The following ZFYVE26 variants were observed in gnomAD, a reference collection of about 807,000 sequenced individuals.
ZFYVE26 encodes the protein zinc finger FYVE-type containing 26.
A neutral mutation model predicts 276.5 loss-of-function variants in ZFYVE26; 181 were observed. The observed-to-expected ratio is 0.65, with a 90% CI of 0.58 to 0.74. The LOEUF (loss-of-function observed/expected upper bound fraction) is 0.74. Among genes scored for constraint, ZFYVE26 ranks in the 30% least tolerant of loss-of-function variants. The probability of loss-of-function intolerance (pLI) is 0.00; values close to 1 mark genes in which losing one functional copy is unlikely to be tolerated. For missense variants in ZFYVE26, 2,821 were observed against 3,097.9 expected, an observed-to-expected ratio of 0.91 and a Z score of 2.12; for synonymous variants, 1,129 against 1,203.1, an observed-to-expected ratio of 0.94 and a Z score of 1.27.
At position 67,802,061 on chromosome 14, in the gene ZFYVE26, T is replaced by C; in HGVS notation, c.1639+18A>G. The C allele has an allele frequency of 1.2e-6, 2 of 1,612,000 alleles. No individual in the cohort carries two copies. The highest frequency in any genetic ancestry group is 1.7e-6 in the Non-Finnish European group (2 of 1,179,638). On this transcript the variant is annotated intron_variant, in intron 10 of 41. Transcript: ENST00000347230. ...TGTTGTTATCAGCTTATCTCACGGA[T>C]GGAGGGAAGTGCTGTACCTGGGGAG...
At chr14:67,782,746 C>T in intron 21 of ZFYVE26, 34 bp downstream of exon 21, 2 of 1,613,408 alleles carry the variant, frequency 1.2e-6, no homozygotes, top group Non-Finnish European at 1.7e-6. Flanking sequence ...AATATTACCA[C>T]TAGTGAAAAA....
At chr14:67,757,110 C>T (rs1263993540) in intron 35 of ZFYVE26, among the ~76,000 whole-genome samples, 1 of 152,182 alleles carries the variant, frequency 6.6e-6, no homozygotes, top group Non-Finnish European at 1.5e-5. Context: ...CACTTCCCAC[C>T]ACCTCCCCTG....
chr14:67,739,314 AAGAT>A (rs1211253215), intron 13 of ZFYVE26, among the ~76,000 whole-genome samples: 1 of 152,144 alleles, frequency 6.6e-6, no homozygotes, highest in Non-Finnish European at 1.5e-5. Flanking sequence ...GGTGAAAGGA[AAGAT>A]AGAGAGAATC....
chr14:67,743,057 C>T (rs139756634), downstream of ZFYVE26, among the ~76,000 whole-genome samples: 702 of 151,850 alleles, frequency 4.6e-3, 27 homozygotes, highest in East Asian at 0.1. Flanking sequence ...AGGCTGGTCT[C>T]GAACTCCTGG....
At chr14:67,782,056 C>T (rs960391479) in intron 21 of ZFYVE26, among the ~76,000 whole-genome samples, 1 of 152,220 alleles carries the variant, frequency 6.6e-6, no homozygotes, top group Non-Finnish European at 1.5e-5. Flanking sequence ...ATTAAGAACA[C>T]ACAGCCAGTC....
intron 10 of ZFYVE26, chr14:67,799,506 G>C (rs755831732): frequency 2.3e-4 from 369 of 1,600,728 alleles, no homozygotes; most frequent in Middle Eastern, 1.6e-3. Context: ...CAAAAGGATC[G>C]GCAAAAGGAA....
intron 18 of ZFYVE26, 30 bp from the exon 19 acceptor site, chr14:67,785,307 C>T (rs746107982): frequency 7.1e-6 from 11 of 1,558,656 alleles, no homozygotes; most frequent in Non-Finnish European, 8.7e-6. Flanking sequence ...AGAAAGGACA[C>T]AGGCTTCAGT....
At chr14:67,754,913 C>T in intron 37 of ZFYVE26, 138 bp downstream of exon 37, 1 of 1,001,914 alleles carries the variant, frequency 1.0e-6, no homozygotes, top group Non-Finnish European at 1.6e-6. Context: ...GCTTGTACTA[C>T]ACACTGTCAT....
intron 25 of ZFYVE26, among the ~76,000 whole-genome samples, chr14:67,777,139 T>C (rs1380920426): frequency 1.3e-5 from 2 of 152,240 alleles, no homozygotes. Context: ...AGATGTCCAG[T>C]CCCTATCCCA....
intron 27 of ZFYVE26, among the ~76,000 whole-genome samples, chr14:67,772,710 G>A (rs1290138183): frequency 6.6e-6 from 1 of 152,232 alleles, no homozygotes; most frequent in Non-Finnish European, 1.5e-5. Context: ...TGAGGCAGGA[G>A]AATCACTTGA....
rs1809570624 is a variant in ZFYVE26, at chr14:67,784,994, T to C, written c.3523+65A>G. 3 of 1,548,268 alleles carry C rather than the reference T, an allele frequency of 1.9e-6. No individual in the cohort carries two copies. The South Asian group carries it at 3.4e-5, about 17-fold the overall frequency. ...CAGAGCCTTTCAATTGTGCATCTTT[T>C]CTCTTCCTTGCCCTGAACACTTGCA... On this transcript the variant is annotated intron_variant, in intron 19 of 41. Transcript: ENST00000347230.
Position 67,804,244 on chromosome 14 carries a change from T to C in ZFYVE26, c.1292A>G (p.Asp431Gly). 1.9e-6 allele frequency: 3 copies of C among 1,614,110 alleles called. No individual in the cohort carries two copies. Among genetic ancestry groups the C allele is most frequent in the Non-Finnish European group, 2.5e-6 (3 of 1,180,010 alleles). ...TCCACCGTGTAAATGATACAACAGA[T>C]CTCTCTTTGGTATGGGGTTGCTGAA... Reference protein sequence around the residue: ...QQSSNPIPKRDLLYHLHGGDS... With the variant: ...QQSSNPIPKRGLLYHLHGGDS... Residue 431 changes from aspartate to glycine, a missense_variant, in exon 9 of 42, where the codon GAT becomes GGT. Asp to Gly is a moderately conservative substitution (Grantham distance 94, BLOSUM62 -1). Coordinates refer to ENST00000347230, the MANE Select transcript of ZFYVE26 (RefSeq NM_015346.4).
At chr14:67,739,674 A>G (rs2038392681) in intron 13 of ZFYVE26, among the ~76,000 whole-genome samples, 1 of 152,064 alleles carries the variant, frequency 6.6e-6, no homozygotes, top group Non-Finnish European at 1.5e-5. Context: ...TCTTCCATTG[A>G]TTTCTGAATA....
chr14:67,734,023 C>A (rs962087400), intron 13 of ZFYVE26: 3 of 568,662 alleles, frequency 5.3e-6, no homozygotes, highest in Admixed American at 2.3e-5. Flanking sequence ...TCTTGTGAGA[C>A]TGGCTTATGG....
chr14:67,798,974 C>T (rs2040023022), intron 10 of ZFYVE26: 2 of 1,128,452 alleles, frequency 1.8e-6, no homozygotes, highest in Non-Finnish European at 2.7e-6. Flanking sequence ...GTGGGAGGGG[C>T]GGGGGTGATT....
In ZFYVE26 at chr14:67,785,939, C is replaced by A. The variant is rs2039642204; in HGVS notation, c.3223G>T (p.Asp1075Tyr). 6.2e-7 allele frequency: 1 copy of A among 1,614,100 alleles called. No individual in the cohort carries two copies. The highest frequency in any genetic ancestry group is 8.5e-7 in the Non-Finnish European group (1 of 1,180,060). Residue 1075 changes from aspartate to tyrosine, a missense_variant, in exon 18 of 42, where the codon GAC (aspartate) becomes TAC (tyrosine). Transcript: ENST00000347230. Reference protein sequence around the residue: ...LQMCWPSLSEDCVASHTTLSQ... With the variant: ...LQMCWPSLSEYCVASHTTLSQ... ...AGGGTGGTGTGGCTGGCAACACAGT[C>A]CTCGCTTAGGCTGGGCCAGCACATC...
Position 67,807,600 on chromosome 14 carries a change from G to A in ZFYVE26, c.684C>T (p.Pro228=), listed in dbSNP as rs369761894. ...IYGALRTLRC[P]AEPLGVELHL... ...GCAACTCAACCCCAAGTGGTTCTGCGGGGCAACGCAGAGTCCGCAGGGCTC... is the reference window on the plus strand; with the variant it reads ...GCAACTCAACCCCAAGTGGTTCTGCAGGGCAACGCAGAGTCCGCAGGGCTC... Residue 228 remains proline, a synonymous_variant, in exon 5 of 42, where the codon CCC becomes CCT. Transcript: ENST00000347230. The A allele has an allele frequency of 1.1e-4, 182 of 1,614,092 alleles. No individual in the cohort carries two copies. The highest frequency in any genetic ancestry group is 1.4e-4 in the Non-Finnish European group (164 of 1,180,038).
rs565865825 is a variant in ZFYVE26 at position 67,784,733 on chromosome 14, C to G, written c.3524-297G>C. ...GACTGAAGTGCATGTAGTACTCACT[C>G]TGTGGACTTAAGAATCTGGTACTCA... is the stretch of plus-strand genomic sequence containing the variant. On this transcript the variant is annotated intron_variant, in intron 19 of 41. Coordinates refer to ENST00000347230, the MANE Select transcript of ZFYVE26 (RefSeq NM_015346.4). Among the ~76,000 whole-genome samples, 99 of 152,342 alleles carry G rather than the reference C, an allele frequency of 6.5e-4. No homozygotes were observed. In the Middle Eastern group the frequency reaches 0.031, roughly 47 times the overall value.
intron 13 of ZFYVE26, among the ~76,000 whole-genome samples, chr14:67,735,857 T>C (rs1021705627): frequency 2.0e-5 from 3 of 152,180 alleles, no homozygotes; most frequent in Non-Finnish European, 4.4e-5. Flanking sequence ...AAGAGACATA[T>C]GAAACTCAAG....
Sources: gnomAD v4.1 joint callset for allele counts (sites outside exome capture counted in the v4.1 genomes callset) on GRCh38, gnomAD v4.1.1 for gene constraint, MANE v1.5 for transcripts, NCBI Gene and HGNC (gene_info 2026-07-23, HGNC 2026-07-21) for gene names.